SERGEF: variants seen among roughly 807,000 people sequenced by gnomAD.
The protein encoded by SERGEF is secretion regulating guanine nucleotide exchange factor, also known as secretion-regulating guanine nucleotide exchange factor.
Under a neutral mutation model 50.0 loss-of-function variants are expected in SERGEF, and 51 were observed. That is an observed-to-expected ratio of 1.02 (90% CI 0.81 to 1.29). The LOEUF (loss-of-function observed/expected upper bound fraction) is 1.29, where lower values mean the gene tolerates loss of function less well. Ranked by LOEUF, SERGEF falls within the 50% of genes most tolerant of loss-of-function variation. The pLI is 0.00. For missense variants in SERGEF, 521 were observed against 557.0 expected (o/e 0.94, Z 0.65); for synonymous variants, 205 against 212.4 (o/e 0.97, Z 0.30).
intron 10 of SERGEF, among the ~76,000 whole-genome samples, chr11:17,877,470 G>T (rs767404068): frequency 6.6e-6 from 1 of 152,186 alleles, no homozygotes; most frequent in South Asian, 2.1e-4. Context: ...ACACTATGAG[G>T]TAGGCACTAT....
intron 9 of SERGEF, among the ~76,000 whole-genome samples, chr11:17,947,689 C>T (rs1370230586): frequency 6.6e-6 from 1 of 152,202 alleles, no homozygotes; most frequent in Non-Finnish European, 1.5e-5. Context: ...ACCTGTATGT[C>T]CTCTAGTCCA....
rs185045332 is a variant in SERGEF, at chr11:17,961,731, T to C, written c.845-2095A>G. Among the ~76,000 whole-genome samples the C allele has an allele frequency of 6.6e-5, 10 of 152,282 alleles. No individual in the cohort carries two copies. The East Asian group carries it at 1.9e-3, about 29-fold the overall frequency. Reference sequence around the variant, plus strand: ...TACTCTCTGCGGAGGCCATAGACATTCTGGTTAAGACAAGTCCAGAAACCA... The same window carrying C: ...TACTCTCTGCGGAGGCCATAGACATCCTGGTTAAGACAAGTCCAGAAACCA... On this transcript the variant is annotated intron_variant, in intron 8 of 10. Transcript: ENST00000265965.
At chr11:17,824,040 G>C (rs889903669) in intron 10 of SERGEF, among the ~76,000 whole-genome samples, 1 of 152,194 alleles carries the variant, frequency 6.6e-6, no homozygotes, top group Non-Finnish European at 1.5e-5. Flanking sequence ...GGTGGCTCAT[G>C]CCTGTAATCC....
At chr11:17,860,362 A>ATGACTT (rs1199367184) in intron 10 of SERGEF, among the ~76,000 whole-genome samples, 1 of 152,230 alleles carries the variant, frequency 6.6e-6, no homozygotes, top group Non-Finnish European at 1.5e-5. Flanking sequence ...TAATAGACTA[A>ATGACTT]TGACTTAACT....
intron 4 of SERGEF, chr11:18,000,852 T>C: frequency 1.8e-6 from 1 of 550,342 alleles, no homozygotes; most frequent in Non-Finnish European, 3.4e-6. Flanking sequence ...AAAGGGACAG[T>C]TAGTAAATGT....
At chr11:17,967,778 G>A (rs1461587726) in intron 8 of SERGEF, among the ~76,000 whole-genome samples, 2 of 152,192 alleles carry the variant, frequency 1.3e-5, no homozygotes, top group Non-Finnish European at 2.9e-5. Context: ...CTGCTCCTTT[G>A]TCAAAAGCAT....
rs146838752 is a variant in SERGEF at position 17,807,424 on chromosome 11, T to C, written c.1049-19011A>G. On this transcript the variant is annotated intron_variant, in intron 10 of 10. Coordinates refer to ENST00000265965, the MANE Select transcript of SERGEF (RefSeq NM_012139.4). ...CTGAGCACTGGTGCCAAGGTTCAGCTCCTATAAACATACTTTGGGCCACTC... is the reference window on the plus strand; with the variant it reads ...CTGAGCACTGGTGCCAAGGTTCAGCCCCTATAAACATACTTTGGGCCACTC... Among the ~76,000 whole-genome samples the C allele has an allele frequency of 8.5e-5, 13 of 152,158 alleles. No homozygotes were observed. In the East Asian group the frequency reaches 2.3e-3, roughly 27 times the overall value.
At position 17,888,174 on chromosome 11, in the gene SERGEF, C is replaced by T. The variant is rs1033445498; in HGVS notation, c.1012-9930G>A. Among the ~76,000 whole-genome samples, 1 of 152,190 alleles carries T rather than the reference C, an allele frequency of 6.6e-6. No individual in the cohort carries two copies. The highest frequency in any genetic ancestry group is 2.4e-5 in the African/African-American group (1 of 41,456). On this transcript the variant is annotated intron_variant, in intron 9 of 10. Transcript: ENST00000265965. The surrounding 1 kb of genome is among the most constrained non-coding windows in gnomAD (Gnocchi z 4.1). ...CCCATCCCCACCTCTTCCAGGAAAC[C>T]GGCCCCTAGTGCCAAAAAGGTTGGG... is the stretch of plus-strand genomic sequence containing the variant.
At position 17,988,753 on chromosome 11, in the gene SERGEF, C is replaced by A. The variant is rs778105963; in HGVS notation, c.688G>T (p.Ala230Ser). ...CTTCCCCAAACATACACCTCTCCTGCATCTTAAACAAACAGAAGGGTAACA... is the reference window on the plus strand; with the variant it reads ...CTTCCCCAAACATACACCTCTCCTGAATCTTAAACAAACAGAAGGGTAACA... ...GSDHSASLTDAGEVYVWGSNK... is the reference protein window; with the variant it reads ...GSDHSASLTDSGEVYVWGSNK... Residue 230 changes from alanine (A) to serine (S), a missense_variant and splice_region_variant, in exon 8 of 11, where the codon GCA becomes TCA. By Grantham distance (99) the Ala-to-Ser change is moderately conservative. Coordinates refer to ENST00000265965, the MANE Select transcript of SERGEF (RefSeq NM_012139.4). 1 of 1,613,378 alleles carries A rather than the reference C, an allele frequency of 6.2e-7. No individual in the cohort carries two copies. Among genetic ancestry groups the A allele is most frequent in the Non-Finnish European group, 8.5e-7 (1 of 1,179,622 alleles).
chr11:17,968,348 G>A (rs211096), intron 8 of SERGEF, among the ~76,000 whole-genome samples: 97,877 of 152,068 alleles, frequency 0.64, 32,103 homozygotes, highest in African/African-American at 0.78. Flanking sequence ...ACAATATTGA[G>A]CAAATAGTTA....
intron 10 of SERGEF, among the ~76,000 whole-genome samples, chr11:17,838,678 G>A (rs1458362751): frequency 1.3e-5 from 2 of 152,130 alleles, no homozygotes; most frequent in Non-Finnish European, 2.9e-5. Flanking sequence ...CTGTAAAACC[G>A]ATAATAATAA....
At chr11:17,873,565 G>T (rs1851186112) in intron 10 of SERGEF, among the ~76,000 whole-genome samples, 1 of 151,960 alleles carries the variant, frequency 6.6e-6, no homozygotes. Flanking sequence ...ATATTATAAA[G>T]GTACAATGGT....
At chr11:17,831,891 C>A (rs1010409223) in intron 10 of SERGEF, among the ~76,000 whole-genome samples, 1 of 152,210 alleles carries the variant, frequency 6.6e-6, no homozygotes, top group Non-Finnish European at 1.5e-5. Context: ...TACCTTTCAT[C>A]TGAACTGTAA....
At chr11:17,848,259 G>C (rs1850650747) in intron 10 of SERGEF, among the ~76,000 whole-genome samples, 1 of 152,182 alleles carries the variant, frequency 6.6e-6, no homozygotes, top group South Asian at 2.1e-4. Flanking sequence ...AGGAGCAACT[G>C]ATTCCACCTA....
intron 5 of SERGEF, 141 bp downstream of exon 5, chr11:18,000,356 G>A: frequency 3.4e-6 from 2 of 593,492 alleles, no homozygotes; most frequent in South Asian, 4.9e-5. Flanking sequence ...GGCTGAGGCA[G>A]TTAGACAGCT....
At chr11:17,841,844 G>T (rs1850508655) in intron 10 of SERGEF, among the ~76,000 whole-genome samples, 1 of 151,996 alleles carries the variant, frequency 6.6e-6, no homozygotes, top group Admixed American at 6.6e-5. Flanking sequence ...CTCACCATGG[G>T]GGCCATATTT....
intron 9 of SERGEF, among the ~76,000 whole-genome samples, chr11:17,945,848 C>T (rs753519402): frequency 6.6e-6 from 1 of 151,908 alleles, no homozygotes; most frequent in Admixed American, 6.6e-5. Context: ...CACAGTGGCA[C>T]GCACCTGTAA....
At chr11:17,967,284 G>A (rs553664192) in intron 8 of SERGEF, among the ~76,000 whole-genome samples, 44 of 152,286 alleles carry the variant, frequency 2.9e-4, no homozygotes, top group Non-Finnish European at 5.3e-4. Flanking sequence ...GGATGCACAG[G>A]TCTGTCTGAC....
intron 8 of SERGEF, among the ~76,000 whole-genome samples, chr11:17,962,462 C>T (rs930208879): frequency 6.6e-6 from 1 of 151,998 alleles, no homozygotes; most frequent in South Asian, 2.1e-4. Context: ...ATTTAACAAA[C>T]GTATCTTCTC....
Sources: allele counts gnomAD v4.1 joint callset (sites outside exome capture counted in the v4.1 genomes callset), GRCh38; gene constraint gnomAD v4.1.1; non-coding constraint Gnocchi (gnomAD v3.1); transcripts MANE v1.5; gene names NCBI Gene and HGNC (gene_info 2026-07-23, HGNC 2026-07-21).